Variants in SCAMP1 observed in about 807,000 individuals in gnomAD.
SCAMP1 encodes the protein secretory carrier-associated membrane protein 1.
Under a neutral mutation model 41.8 loss-of-function variants are expected in SCAMP1, and 15 were observed. The observed-to-expected ratio is 0.36, with a 90% CI of 0.24 to 0.55. The LOEUF is 0.55. Ranked by LOEUF, SCAMP1 falls within the 20% of genes least tolerant of loss-of-function variation. The pLI, the probability that SCAMP1 is intolerant of heterozygous loss-of-function variation, is 0.86. For synonymous variants in SCAMP1, 135 were observed against 136.8 expected, an observed-to-expected ratio of 0.99 and a Z score of 0.09; for missense variants, 341 against 412.6, an observed-to-expected ratio of 0.83 and a Z score of 1.50.
At chr5:78,409,797 A>C (rs1752025844) in intron 2 of SCAMP1, among the ~76,000 whole-genome samples, 2 of 152,178 alleles carry the variant, frequency 1.3e-5, no homozygotes, top group South Asian at 4.1e-4. Flanking sequence ...ATTATACTTA[A>C]TACTTCCTTG....
intron 5 of SCAMP1, among the ~76,000 whole-genome samples, chr5:78,421,412 A>G (rs1198336967): frequency 1.3e-5 from 2 of 152,194 alleles, no homozygotes; most frequent in African/African-American, 2.4e-5. Flanking sequence ...CTGTAAAGAT[A>G]TGGTTTTTCC....
At chr5:78,447,631 A>C (rs1201067696) in intron 6 of SCAMP1, among the ~76,000 whole-genome samples, 1 of 152,198 alleles carries the variant, frequency 6.6e-6, no homozygotes, top group Non-Finnish European at 1.5e-5. Flanking sequence ...TGTAAAACTG[A>C]AAATAGAAAA....
At chr5:78,423,549 A>T (rs2112151547) in intron 6 of SCAMP1, among the ~76,000 whole-genome samples, 1 of 152,244 alleles carries the variant, frequency 6.6e-6, no homozygotes, top group South Asian at 2.1e-4. Context: ...TATCTTTATG[A>T]AACTTTTCAA....
intron 7 of SCAMP1, among the ~76,000 whole-genome samples, chr5:78,453,453 C>G (rs1158275480): frequency 6.6e-6 from 1 of 151,920 alleles, no homozygotes; most frequent in Non-Finnish European, 1.5e-5. Context: ...ATCCTTTCCC[C>G]ATTGCTTGTT....
At chr5:78,391,367 C>T (rs1480274132) in intron 2 of SCAMP1, among the ~76,000 whole-genome samples, 50 of 149,270 alleles carry the variant, frequency 3.3e-4, no homozygotes, top group African/African-American at 1.1e-3. Context: ...CGGGCAGAGG[C>T]GCCCCTCACC....
intron 2 of SCAMP1, among the ~76,000 whole-genome samples, chr5:78,402,758 G>T (rs10942852): frequency 0.37 from 56,392 of 151,888 alleles, 12,597 homozygotes; most frequent in Non-Finnish European, 0.5. Flanking sequence ...TTTAATTAGT[G>T]CCTTGAGACC....
chr5:78,431,432 T>C (rs1303660746), intron 6 of SCAMP1, among the ~76,000 whole-genome samples: 1 of 151,744 alleles, frequency 6.6e-6, no homozygotes, highest in African/African-American at 2.4e-5. Flanking sequence ...ATGCCATTTA[T>C]ATTTAATATA....
chr5:78,407,066 C>T (rs1044004679), intron 2 of SCAMP1, among the ~76,000 whole-genome samples: 11 of 152,252 alleles, frequency 7.2e-5, no homozygotes, highest in Admixed American at 6.5e-4. Flanking sequence ...TTTCTTTTTC[C>T]CTGCCAATAG....
At position 78,449,912 on chromosome 5, in the gene SCAMP1, CTTTCT is replaced by C; in HGVS notation, c.633-17_633-13del. The C allele has an allele frequency of 3.0e-6, 4 of 1,336,072 alleles. No individual in the cohort carries two copies. Among genetic ancestry groups the C allele is most frequent in the African/African-American group, 1.6e-5 (1 of 64,044 alleles). The allele number at this position is 1,336,072 out of a possible 1,614,324, so 82.8% of individuals were successfully genotyped here. A position where few individuals can be genotyped will look rare whatever the true frequency, so the allele number is the denominator to read the frequency against. On this transcript the variant is annotated splice_polypyrimidine_tract_variant and intron_variant, in intron 6 of 8. Coordinates refer to ENST00000621999, the MANE Select transcript of SCAMP1 (RefSeq NM_004866.6). ...CTCCCCCTAACCCCCTTTTTTCTTT[CTTTCT>C]TTTTTTTTTTCAAAGGAGTGACAGT... is the stretch of plus-strand genomic sequence containing the variant.
intron 6 of SCAMP1, among the ~76,000 whole-genome samples, chr5:78,431,668 T>C (rs1752628515): frequency 6.6e-6 from 1 of 151,856 alleles, no homozygotes; most frequent in Non-Finnish European, 1.5e-5. Flanking sequence ...CTAATCATAG[T>C]CTCTGTATTC....
intron 3 of SCAMP1, among the ~76,000 whole-genome samples, chr5:78,415,912 A>AGATGG (rs1752198749): frequency 3.9e-5 from 6 of 152,212 alleles, no homozygotes; most frequent in Non-Finnish European, 4.4e-5. Context: ...ATTAAGGTAA[A>AGATGG]AATGATGGAA....
At chr5:78,425,196 A>G (rs1752439518) in intron 6 of SCAMP1, among the ~76,000 whole-genome samples, 1 of 152,210 alleles carries the variant, frequency 6.6e-6, no homozygotes. Flanking sequence ...AGCTTTGAAG[A>G]CAATTTTCAA....
chr5:78,385,178 G>A (rs775333375), intron 1 of SCAMP1, among the ~76,000 whole-genome samples: 6 of 151,966 alleles, frequency 3.9e-5, no homozygotes, highest in Admixed American at 1.3e-4. Flanking sequence ...TATTCTACAA[G>A]GGTTGTATAT....
chr5:78,369,048 G>C (rs182898951), intron 1 of SCAMP1, among the ~76,000 whole-genome samples: 38 of 151,854 alleles, frequency 2.5e-4, no homozygotes, highest in Non-Finnish European at 5.1e-4. Context: ...GGAATAGGGA[G>C]ACCCAAGGAG....
At chr5:78,450,915 G>A (rs948740770) in intron 7 of SCAMP1, among the ~76,000 whole-genome samples, 9 of 152,206 alleles carry the variant, frequency 5.9e-5, no homozygotes, top group Admixed American at 1.3e-4. Flanking sequence ...AATACATGCA[G>A]AAAATTTATA....
At chr5:78,444,262 G>C (rs1409638527) in intron 6 of SCAMP1, among the ~76,000 whole-genome samples, 1 of 152,182 alleles carries the variant, frequency 6.6e-6, no homozygotes, top group Non-Finnish European at 1.5e-5. Context: ...AAATGCTCAA[G>C]ACTGGTTAAT....
intron 1 of SCAMP1, among the ~76,000 whole-genome samples, chr5:78,362,074 G>A (rs1247399723): frequency 6.6e-6 from 1 of 151,650 alleles, no homozygotes; most frequent in Non-Finnish European, 1.5e-5. Flanking sequence ...TGACATGGTT[G>A]CATTTTAAGA....
At chr5:78,382,684 A>C (rs1751234719) in intron 1 of SCAMP1, among the ~76,000 whole-genome samples, 1 of 152,010 alleles carries the variant, frequency 6.6e-6, no homozygotes, top group Non-Finnish European at 1.5e-5. Flanking sequence ...TCCAGTCCTC[A>C]GTTACTTCAC....
At chr5:78,436,630 G>C (rs185231806) in intron 6 of SCAMP1, among the ~76,000 whole-genome samples, 2 of 152,324 alleles carry the variant, frequency 1.3e-5, no homozygotes, top group African/African-American at 4.8e-5. Context: ...CTGTAGCCTT[G>C]TAGTATAGTT....
Sources: allele counts gnomAD v4.1 joint callset (sites outside exome capture counted in the v4.1 genomes callset), GRCh38; gene constraint gnomAD v4.1.1; transcripts MANE v1.5; gene names NCBI Gene and HGNC (gene_info 2026-07-23, HGNC 2026-07-21).